Variants in CACNA1H observed in about 807,000 individuals in gnomAD.
CACNA1H encodes the protein voltage-dependent T-type calcium channel subunit alpha-1H.
CACNA1H carries 149 observed loss-of-function variants against 192.5 expected under a neutral mutation model. The ratio of observed to expected loss-of-function variants is 0.77; its 90% CI spans 0.68 to 0.89. The LOEUF (loss-of-function observed/expected upper bound fraction) is 0.89, where lower values mean the gene tolerates loss of function less well. Among genes scored for constraint, CACNA1H ranks in the 40% least tolerant of loss-of-function variants. The pLI is 0.00. For synonymous variants in CACNA1H, 2,202 were observed against 1,475.2 expected (o/e 1.49, Z -11.29); for missense variants, 4,257 against 3,423.5 (o/e 1.24, Z -6.08).
rs200423899 is a variant in CACNA1H at position 1,204,158 on chromosome 16, G to A, written c.2151G>A (p.Ser717=). 7.3e-5 allele frequency: 118 copies of A among 1,612,032 alleles called. 1 individual carries two copies. The African/African-American group carries it at 1.1e-3, about 15-fold the overall frequency. Residue 717 remains serine (S), a synonymous_variant, in exon 10 of 35, where the codon TCG becomes TCA. Transcript: ENST00000348261. Reference sequence around the variant, plus strand: ...ACCCGGAGGGTGAGCTCAGCGGCTCGGAAAGTGGAGACTCAGATGGCCGTG... The same window carrying A: ...ACCCGGAGGGTGAGCTCAGCGGCTCAGAAAGTGGAGACTCAGATGGCCGTG... ...LEDPEGELSG[S]ESGDSDGRGV... is the part of the protein sequence containing the mutation.
rs200399120 is a variant in CACNA1H at position 1,219,084 on chromosome 16, G to T, written c.6002G>T (p.Arg2001Leu). 2.6e-5 allele frequency: 40 copies of T among 1,549,008 alleles called. No homozygotes were observed. In the African/African-American group the frequency reaches 4.8e-4, roughly 19 times the overall value. ...SGEPLHALSP[R>L]GTARSPSLSR... Reference sequence around the variant, plus strand: ...GAGCCCCTCCACGCCCTGTCCCCTCGGGGCACAGCCCGCTCCCCCAGTCTC... The same window carrying T: ...GAGCCCCTCCACGCCCTGTCCCCTCTGGGCACAGCCCGCTCCCCCAGTCTC... The change falls in exon 34 of 35, where the codon CGG becomes CTG. Residue 2001 changes from arginine (R) to leucine (L), a missense_variant. By Grantham distance (102) the Arg-to-Leu change is moderately radical. Coordinates refer to ENST00000348261, the MANE Select transcript of CACNA1H (RefSeq NM_021098.3).
intron 11 of CACNA1H, 37 bp from the exon 12 acceptor site, chr16:1,206,067 C>T (rs558829488): frequency 3.0e-5 from 45 of 1,521,306 alleles, no homozygotes; most frequent in Admixed American, 1.8e-4. Flanking sequence ...GGTCAGGGAT[C>T]GTGGCCCCGC....
chr16:1,221,056 G>T lies in CACNA1H; in HGVS notation c.*62G>T. On this transcript the variant is annotated 3_prime_UTR_variant, in exon 35 of 35. Coordinates refer to ENST00000348261, the MANE Select transcript of CACNA1H (RefSeq NM_021098.3). ...GGTCTGGGGGCCCCGCTGGGGTGGA[G>T]GCCCAGGCAGAACCCTGCATGGACC... 7.7e-7 allele frequency: 1 copy of T among 1,303,882 alleles called. No individual in the cohort carries two copies. The highest frequency in any genetic ancestry group is 1.0e-6 in the Non-Finnish European group (1 of 960,752). 80.8% of individuals were successfully genotyped at this position (1,303,882 alleles called of 1,614,324 possible). A position where few individuals can be genotyped will look rare whatever the true frequency, so the allele number is the denominator to read the frequency against.
At chr16:1,204,574 G>C in intron 10 of CACNA1H, 116 bp downstream of exon 10, 1 of 811,680 alleles carries the variant, frequency 1.2e-6, no homozygotes, top group Non-Finnish European at 1.9e-6. Flanking sequence ...GGTCAGGCAG[G>C]GCTCTAGAAA....
intron 12 of CACNA1H, 76 bp from the exon 13 acceptor site, chr16:1,206,925 C>CCCCA: frequency 4.8e-6 from 1 of 209,394 alleles, no homozygotes; most frequent in South Asian, 7.3e-5. Context: ...CTCCCACCCC[C>CCCCA]CTCCCGCTCC....
At chr16:1,158,801 C>G (rs1044730888) in intron 2 of CACNA1H, among the ~76,000 whole-genome samples, 1 of 152,062 alleles carries the variant, frequency 6.6e-6, no homozygotes, top group African/African-American at 2.4e-5. Context: ...CCGCCGCACC[C>G]CCGGCCCCGC....
intron 28 of CACNA1H, 40 bp from the exon 29 acceptor site, chr16:1,215,202 G>A (rs377605689): frequency 3.3e-5 from 53 of 1,586,852 alleles, no homozygotes; most frequent in African/African-American, 2.4e-4. Flanking sequence ...GAGCCGAGGC[G>A]GGGACCCCAG....
chr16:1,218,450 G>A lies in CACNA1H; in HGVS notation c.5686G>A (p.Ala1896Thr), dbSNP rs1324632906. Residue 1896 changes from alanine (A) to threonine (T), a missense_variant, in exon 33 of 35, where the codon GCG (alanine) becomes ACG (threonine). By Grantham distance (58) the Ala-to-Thr change is moderately conservative. Coordinates refer to ENST00000348261, the MANE Select transcript of CACNA1H (RefSeq NM_021098.3). ...CCCCGGGAGTGCACGCCGGGTGGAC[G>A]CGGACAGGCCTCCCTTGCCCCAGGA... The part of the protein sequence containing the change: ...QGPGSARRVD[A>T]DRPPLPQESP... 10 of 1,551,844 alleles carry A rather than the reference G, an allele frequency of 6.4e-6. No individual in the cohort carries two copies. The highest frequency in any genetic ancestry group is 6.1e-6 in the Non-Finnish European group (7 of 1,148,122).
chr16:1,210,696 C>G, intron 20 of CACNA1H, 45 bp downstream of exon 20: 1 of 1,585,976 alleles, frequency 6.3e-7, no homozygotes, highest in Non-Finnish European at 8.5e-7. Context: ...GGTCCCCGTT[C>G]TGCCCTCATC....
intron 5 of CACNA1H, among the ~76,000 whole-genome samples, chr16:1,196,980 T>A (rs1967060537): frequency 6.6e-6 from 1 of 152,142 alleles, no homozygotes; most frequent in South Asian, 2.1e-4. Flanking sequence ...TCTGGCTGCC[T>A]GACCTGGGTC....
chr16:1,159,391 A>G (rs576792836), intron 2 of CACNA1H, among the ~76,000 whole-genome samples: 1 of 147,442 alleles, frequency 6.8e-6, no homozygotes. Flanking sequence ...GGGACAGTGC[A>G]GGCCTTGAGG....
intron 6 of CACNA1H, among the ~76,000 whole-genome samples, chr16:1,199,519 G>A (rs936289963): frequency 1.4e-5 from 2 of 147,166 alleles, no homozygotes; most frequent in Non-Finnish European, 3.0e-5. Context: ...CACCCCCAGT[G>A]CTGCCACCTC....
chr16:1,162,407 A>G (rs193269401), intron 2 of CACNA1H, among the ~76,000 whole-genome samples: 161 of 152,304 alleles, frequency 1.1e-3, no homozygotes, highest in Middle Eastern at 0.01. Context: ...GCCCATGAGC[A>G]GGAGGTGCTT....
intron 2 of CACNA1H, among the ~76,000 whole-genome samples, chr16:1,158,825 GCCCGCACC>G (rs1467898875): frequency 1.3e-5 from 2 of 151,452 alleles, no homozygotes; most frequent in Non-Finnish European, 2.9e-5. Flanking sequence ...GCGCCACTCA[GCCCGCACC>G]CCCGGCCCCA....
chr16:1,218,372 G>T lies in CACNA1H; in HGVS notation c.5608G>T (p.Ala1870Ser). 6.4e-7 allele frequency: 1 copy of T among 1,562,012 alleles called. No individual in the cohort carries two copies. Among genetic ancestry groups the T allele is most frequent in the Non-Finnish European group, 8.7e-7 (1 of 1,154,146 alleles). The change falls in exon 33 of 35, where the codon GCA becomes TCA. Residue 1870 changes from alanine to serine, a missense_variant. Ala to Ser is a moderately conservative substitution (Grantham distance 99). Coordinates refer to ENST00000348261, the MANE Select transcript of CACNA1H (RefSeq NM_021098.3). The part of the protein sequence containing the change: ...MKHLEESNKE[A>S]REDAELDAEI... ...GCACCTGGAGGAGAGCAACAAGGAG[G>T]CACGGGAGGATGCGGAGCTGGACGC...
Position 1,213,864 on chromosome 16 carries a change from T to C in CACNA1H, c.4862T>C (p.Leu1621Pro), listed in dbSNP as rs1969748016. 6.2e-7 allele frequency: 1 copy of C among 1,610,668 alleles called. No homozygotes were observed. Among genetic ancestry groups the C allele is most frequent in the Non-Finnish European group, 8.5e-7 (1 of 1,178,896 alleles). ...CTGTGCACCAGCCACTATCTCGACC[T>C]CTTCATCACCTTCATCATCTGTGTC... Reference protein sequence around the residue: ...HSLCTSHYLDLFITFIICVNV... With the variant: ...HSLCTSHYLDPFITFIICVNV... The change falls in exon 27 of 35, where the codon CTC becomes CCC. Residue 1621 changes from leucine to proline, a missense_variant. Leu to Pro is a moderately conservative substitution (Grantham distance 98, BLOSUM62 -3). Coordinates refer to ENST00000348261, the MANE Select transcript of CACNA1H (RefSeq NM_021098.3).
chr16:1,221,677 G>T lies in CACNA1H; in HGVS notation c.*683G>T. The T allele has an allele frequency of 8.7e-7, 1 of 1,145,552 alleles. No individual in the cohort carries two copies. Among genetic ancestry groups the T allele is most frequent in the Non-Finnish European group, 1.2e-6 (1 of 823,982 alleles). 71.0% of individuals were successfully genotyped at this position (1,145,552 alleles called of 1,614,324 possible). On this transcript the variant is annotated 3_prime_UTR_variant, in exon 35 of 35. Transcript: ENST00000348261. ...TTGTTTCGTGTGCTTTTAAATTCAG[G>T]TTAAATGTTGCAATAATCTGATGCA... is the stretch of plus-strand genomic sequence containing the variant.
chr16:1,173,093 G>A (rs1271486441), intron 2 of CACNA1H, among the ~76,000 whole-genome samples: 1 of 152,112 alleles, frequency 6.6e-6, no homozygotes, highest in African/African-American at 2.4e-5. Flanking sequence ...AAGCCCAAGT[G>A]TCCTTGTGGA....
At chr16:1,181,411 G>A (rs1596340721) in intron 2 of CACNA1H, among the ~76,000 whole-genome samples, 2 of 152,350 alleles carry the variant, frequency 1.3e-5, no homozygotes, top group Non-Finnish European at 2.9e-5. Context: ...CGCCCGCGTC[G>A]GCCAGGAGAG....
Sources: allele counts gnomAD v4.1 joint callset (sites outside exome capture counted in the v4.1 genomes callset), GRCh38; gene constraint gnomAD v4.1.1; transcripts MANE v1.5; gene names NCBI Gene and HGNC (gene_info 2026-07-23, HGNC 2026-07-21).